MLIP: variants seen among roughly 807,000 people sequenced by gnomAD.
MLIP encodes muscular LMNA interacting protein, also known as muscular LMNA-interacting protein.
A neutral mutation model predicts 84.8 loss-of-function variants in MLIP; 79 were observed. The ratio of observed to expected loss-of-function variants is 0.93; its 90% confidence interval spans 0.78 to 1.12. MLIP has a LOEUF of 1.12. Among genes scored for constraint, MLIP ranks in the 50% most tolerant of loss-of-function variants. The pLI is 0.00. For missense variants in MLIP, 1,257 were observed against 1,160.6 expected (o/e 1.08, Z -1.21); for synonymous variants, 504 against 463.0 (o/e 1.09, Z -1.14).
At chr6:54,185,782 A>G (rs1334570962) in intron 9 of MLIP, among the ~76,000 whole-genome samples, 1 of 152,154 alleles carries the variant, frequency 6.6e-6, no homozygotes, top group African/African-American at 2.4e-5. Flanking sequence ...AATAAGAAAA[A>G]ATTGTTAAAT....
At chr6:54,036,839 G>T (rs901785607) in intron 1 of MLIP, among the ~76,000 whole-genome samples, 3 of 151,990 alleles carry the variant, frequency 2.0e-5, no homozygotes, top group South Asian at 2.1e-4. Flanking sequence ...GTTCCAGGCT[G>T]GCTGTGGCAT....
At chr6:54,057,746 A>AT (rs1318622273) in intron 1 of MLIP, among the ~76,000 whole-genome samples, 3 of 151,906 alleles carry the variant, frequency 2.0e-5, no homozygotes, top group Admixed American at 6.6e-5. Context: ...CATTGGATTA[A>AT]TTTTTTTTCT....
intron 1 of MLIP, among the ~76,000 whole-genome samples, chr6:54,049,570 A>C (rs186599093): frequency 1.3e-5 from 2 of 152,300 alleles, no homozygotes; most frequent in Non-Finnish European, 2.9e-5. Flanking sequence ...CACCCTATTT[A>C]CTTGTAGTGA....
chr6:54,257,550 A>G (rs1223305473), intron 13 of MLIP, among the ~76,000 whole-genome samples, 189 bp downstream of exon 13: 1 of 152,056 alleles, frequency 6.6e-6, no homozygotes, highest in Non-Finnish European at 1.5e-5. Flanking sequence ...CTGCCTCTCA[A>G]TGTAGAAGGT....
intron 1 of MLIP, chr6:54,047,570 G>A (rs965308936): frequency 2.0e-5 from 3 of 152,236 alleles, no homozygotes; most frequent in African/African-American, 7.2e-5. Flanking sequence ...AGGGAAGTAG[G>A]AGAATGCAGA....
At chr6:54,190,859 G>A (rs1439959446) in intron 10 of MLIP, among the ~76,000 whole-genome samples, 2 of 149,612 alleles carry the variant, frequency 1.3e-5, no homozygotes, top group East Asian at 2.0e-4. Flanking sequence ...GCAGTGGTGC[G>A]ATCTCGGCTC....
At chr6:54,102,820 A>T (rs923165403) in intron 1 of MLIP, among the ~76,000 whole-genome samples, 1 of 152,240 alleles carries the variant, frequency 6.6e-6, no homozygotes, top group Admixed American at 6.5e-5. Flanking sequence ...TTATGTTCCA[A>T]CTGGGGAGCC....
chr6:54,115,630 A>T (rs1769848665), intron 1 of MLIP, among the ~76,000 whole-genome samples: 1 of 152,214 alleles, frequency 6.6e-6, no homozygotes, highest in Non-Finnish European at 1.5e-5. Flanking sequence ...GCATTGGGTT[A>T]AGAAGCGTGG....
At chr6:54,133,564 C>A (rs182190895) in intron 3 of MLIP, among the ~76,000 whole-genome samples, 1 of 152,134 alleles carries the variant, frequency 6.6e-6, no homozygotes, top group Admixed American at 6.5e-5. Context: ...TCAGTCACTT[C>A]AGTTTTTATT....
chr6:54,019,974 C>T (rs937273676), intron 1 of MLIP, among the ~76,000 whole-genome samples: 3 of 152,182 alleles, frequency 2.0e-5, no homozygotes, highest in Non-Finnish European at 2.9e-5. Context: ...ATAAAATACA[C>T]AACCTTTTCT....
intron 1 of MLIP, among the ~76,000 whole-genome samples, chr6:54,088,589 T>C (rs1767652158): frequency 3.3e-5 from 5 of 152,188 alleles, no homozygotes; most frequent in Non-Finnish European, 7.3e-5. Flanking sequence ...TTCTCAACTT[T>C]GGTGACCGTT....
intron 8 of MLIP, among the ~76,000 whole-genome samples, chr6:54,165,146 G>T (rs377038196): frequency 1.3e-5 from 2 of 151,942 alleles, no homozygotes; most frequent in African/African-American, 4.8e-5. Context: ...CCTAGCACTT[G>T]CCAGTTCTGG....
chr6:54,039,016 AACTGGGAG>A (rs543121541), intron 1 of MLIP, among the ~76,000 whole-genome samples: 105 of 151,978 alleles, frequency 6.9e-4, no homozygotes, highest in African/African-American at 2.4e-3. Flanking sequence ...TCTCTGGTTG[AACTGGGAG>A]ACACATAATC....
At chr6:54,099,871 T>C (rs35914928) in intron 1 of MLIP, among the ~76,000 whole-genome samples, 235 of 152,240 alleles carry the variant, frequency 1.5e-3, no homozygotes, top group Middle Eastern at 3.4e-3. Flanking sequence ...TATGAAGAGA[T>C]ATAAGGGTAT....
chr6:54,056,130 T>C (rs1250607859), intron 1 of MLIP, among the ~76,000 whole-genome samples: 6 of 152,216 alleles, frequency 3.9e-5, no homozygotes, highest in Admixed American at 3.3e-4. Flanking sequence ...GGACATGTCA[T>C]GTCTACAAGC....
intron 11 of MLIP, among the ~76,000 whole-genome samples, chr6:54,206,875 T>C (rs1470392120): frequency 6.6e-6 from 1 of 152,232 alleles, no homozygotes; most frequent in African/African-American, 2.4e-5. Context: ...ACTCTGGCTT[T>C]GTCACAAACT....
At chr6:54,244,940 G>A (rs1425747013) in intron 12 of MLIP, among the ~76,000 whole-genome samples, 1 of 152,132 alleles carries the variant, frequency 6.6e-6, no homozygotes. Context: ...AGAGATGTAT[G>A]GCTGCAGGTA....
At chr6:54,182,578 T>C (rs1776993266) in intron 9 of MLIP, among the ~76,000 whole-genome samples, 1 of 152,224 alleles carries the variant, frequency 6.6e-6, no homozygotes, top group Non-Finnish European at 1.5e-5. Flanking sequence ...ACTGTAAGTT[T>C]TTATTCTACC....
chr6:54,047,665 A>C (rs1765143673), intron 1 of MLIP: 1 of 152,182 alleles, frequency 6.6e-6, no homozygotes, highest in Non-Finnish European at 1.5e-5. Flanking sequence ...GTCACTGTTG[A>C]ACTTCAACTA....
Sources: allele counts gnomAD v4.1 joint callset (sites outside exome capture counted in the v4.1 genomes callset), GRCh38; gene constraint gnomAD v4.1.1; transcripts MANE v1.5; gene names NCBI Gene and HGNC (gene_info 2026-07-23, HGNC 2026-07-21).